Variants in CPS1 observed in about 807,000 individuals in gnomAD.
CPS1 encodes carbamoyl-phosphate synthase [ammonia], mitochondrial.
In CPS1, 109 loss-of-function variants were observed where a neutral mutation model predicts 174.6. That is an observed-to-expected ratio of 0.62 (90% CI 0.53 to 0.73). CPS1 has a LOEUF of 0.73. Ranked by LOEUF, CPS1 falls within the 30% of genes least tolerant of loss-of-function variation. The pLI is 0.00. For synonymous variants in CPS1, 637 were observed against 632.0 expected, an observed-to-expected ratio of 1.01 and a Z score of -0.12; for missense variants, 1,689 against 1,821.9, an observed-to-expected ratio of 0.93 and a Z score of 1.33.
chr2:210,500,640 A>AG (rs1695114513), intron 1 of CPS1, among the ~76,000 whole-genome samples: 1 of 152,226 alleles, frequency 6.6e-6, no homozygotes, highest in African/African-American at 2.4e-5. Context: ...CTGATGCAAG[A>AG]GGAAGGCTCC....
intron 1 of CPS1, among the ~76,000 whole-genome samples, chr2:210,488,616 T>A (rs772899058): frequency 1.3e-5 from 2 of 152,196 alleles, no homozygotes; most frequent in Non-Finnish European, 2.9e-5. Flanking sequence ...CCTTCAGAGA[T>A]TAAGGGCGCA....
chr2:210,631,414 A>G (rs1699865760), intron 21 of CPS1: 2 of 152,196 alleles, frequency 1.3e-5, no homozygotes, highest in South Asian at 2.1e-4. Flanking sequence ...AACAATATCT[A>G]CATTGGAAGT....
At chr2:210,487,938 A>C (rs2105947739) in intron 1 of CPS1, among the ~76,000 whole-genome samples, 1 of 152,270 alleles carries the variant, frequency 6.6e-6, no homozygotes, top group South Asian at 2.1e-4. Context: ...AGGCCACAAA[A>C]TCAGTTTTCT....
chr2:210,666,177 G>T (rs1381886157), intron 33 of CPS1, among the ~76,000 whole-genome samples: 1 of 151,420 alleles, frequency 6.6e-6, no homozygotes, highest in Non-Finnish European at 1.5e-5. Flanking sequence ...GGGGTTGTTT[G>T]TTTTTTTCTT....
At chr2:210,540,459 C>G (rs573742473) in intron 1 of CPS1, among the ~76,000 whole-genome samples, 1 of 152,040 alleles carries the variant, frequency 6.6e-6, no homozygotes, top group Non-Finnish European at 1.5e-5. Context: ...GAGTTTCATC[C>G]TGAAAAAATG....
At chr2:210,486,103 TACACACACACATACAC>T (rs1306435108) in intron 1 of CPS1, among the ~76,000 whole-genome samples, 100 of 103,926 alleles carry the variant, frequency 9.6e-4, no homozygotes, top group African/African-American at 3.3e-3. Context: ...CATATATATA[TACACACACACATACAC>T]ACACACACAC....
At chr2:210,549,589 T>C (rs530492029) in intron 1 of CPS1, among the ~76,000 whole-genome samples, 6 of 152,196 alleles carry the variant, frequency 3.9e-5, no homozygotes, top group South Asian at 2.1e-4. Context: ...TCAGAACTTA[T>C]ATTTCTATAC....
At chr2:210,557,868 T>G (rs1696968009) in intron 1 of CPS1, among the ~76,000 whole-genome samples, 2 of 152,012 alleles carry the variant, frequency 1.3e-5, no homozygotes, top group Non-Finnish European at 2.9e-5. Flanking sequence ...GTTGCTCAAG[T>G]CAGGATTCAG....
chr2:210,510,525 C>T (rs1475800497), intron 1 of CPS1, among the ~76,000 whole-genome samples: 2 of 152,088 alleles, frequency 1.3e-5, no homozygotes, highest in Non-Finnish European at 2.9e-5. Context: ...AAAGCCAAAA[C>T]TGACAAATGG....
chr2:210,588,970 A>T (rs1028923708), intron 7 of CPS1, among the ~76,000 whole-genome samples: 1 of 152,040 alleles, frequency 6.6e-6, no homozygotes, highest in Non-Finnish European at 1.5e-5. Context: ...CCATCTTCCA[A>T]TTGCAAATAT....
At chr2:210,630,005 G>A (rs905479816) in intron 21 of CPS1, among the ~76,000 whole-genome samples, 116 of 151,504 alleles carry the variant, frequency 7.7e-4, no homozygotes, top group African/African-American at 2.7e-3. Flanking sequence ...CCTGGGAGGC[G>A]GAGTTTGCAG....
chr2:210,486,982 T>TTTTATTTATTTATTTA (rs35198456), intron 1 of CPS1, among the ~76,000 whole-genome samples: 103 of 151,376 alleles, frequency 6.8e-4, no homozygotes, highest in Middle Eastern at 3.4e-3. Flanking sequence ...GACCCATGCC[T>TTTTATTTATTTATTTA]TTTATTTATT....
intron 1 of CPS1, among the ~76,000 whole-genome samples, chr2:210,529,448 G>T (rs1696060886): frequency 6.6e-6 from 1 of 151,890 alleles, no homozygotes; most frequent in South Asian, 2.1e-4. Context: ...CTCCAGTTAG[G>T]TTTATGCAAT....
chr2:210,571,658 A>G (rs1364006757), intron 1 of CPS1, among the ~76,000 whole-genome samples: 1 of 151,984 alleles, frequency 6.6e-6, no homozygotes, highest in East Asian at 1.9e-4. Context: ...GCAGAACACA[A>G]TCATTCTAAT....
In CPS1 at chr2:210,522,675, T is replaced by G. The variant is rs368227756; in HGVS notation, c.4-34044T>G. On this transcript the variant is annotated intron_variant, in intron 1 of 38. Transcript: ENST00000430249. ...TGATCTAAAAAATCTCCAGAGATAA[T>G]AGTGGACAGTTGCTATCACTTCTTG... Among the ~76,000 whole-genome samples the G allele has an allele frequency of 1.9e-4, 29 of 152,094 alleles. No individual in the cohort carries two copies. In the East Asian group the frequency reaches 3.9e-3, roughly 20 times the overall value.
intron 28 of CPS1, among the ~76,000 whole-genome samples, chr2:210,653,077 A>G (rs774267522): frequency 6.6e-6 from 1 of 152,214 alleles, no homozygotes; most frequent in Non-Finnish European, 1.5e-5. Context: ...TATTCAGAGA[A>G]GGATTCAGGG....
At chr2:210,521,734 A>C (rs1322116893) in intron 1 of CPS1, among the ~76,000 whole-genome samples, 1 of 151,830 alleles carries the variant, frequency 6.6e-6, no homozygotes, top group African/African-American at 2.4e-5. Flanking sequence ...AACTACTTTA[A>C]TTTCCTTGTC....
intron 21 of CPS1, among the ~76,000 whole-genome samples, chr2:210,621,326 A>T (rs1349824247): frequency 6.6e-6 from 1 of 152,146 alleles, no homozygotes; most frequent in South Asian, 2.1e-4. Context: ...TGGAATTTAG[A>T]TGTTTAATGG....
At chr2:210,507,259 T>G (rs1308775199) in intron 1 of CPS1, among the ~76,000 whole-genome samples, 1 of 152,170 alleles carries the variant, frequency 6.6e-6, no homozygotes, top group Non-Finnish European at 1.5e-5. Flanking sequence ...AACCCAGAAT[T>G]TCTTATCCAG....
Sources: gnomAD v4.1 joint callset for allele counts (sites outside exome capture counted in the v4.1 genomes callset) on GRCh38, gnomAD v4.1.1 for gene constraint, MANE v1.5 for transcripts, NCBI Gene and HGNC (gene_info 2026-07-23, HGNC 2026-07-21) for gene names.